VWA3B: variants seen among roughly 807,000 people sequenced by gnomAD.
VWA3B encodes von Willebrand factor A domain-containing protein 3B.
A neutral mutation model predicts 158.3 loss-of-function variants in VWA3B; 138 were observed. The observed-to-expected ratio is 0.87, with a 90% CI of 0.76 to 1.00. The LOEUF is 1.00. Among genes scored for constraint, VWA3B ranks in the 50% least tolerant of loss-of-function variants. VWA3B has a pLI of 0.00. For missense variants in VWA3B, 1,555 were observed against 1,565.1 expected (o/e 0.99, Z 0.11); for synonymous variants, 596 against 587.3 (o/e 1.01, Z -0.21).
intron 20 of VWA3B, among the ~76,000 whole-genome samples, chr2:98,255,510 T>C (rs1687077951): frequency 6.6e-6 from 1 of 152,030 alleles, no homozygotes; most frequent in Non-Finnish European, 1.5e-5. Context: ...ATAGCTACCC[T>C]GTAGGAACCA....
At position 98,270,657 on chromosome 2, in the gene VWA3B, G is replaced by T. The variant is rs62157894; in HGVS notation, c.2844-25G>T. The T allele has an allele frequency of 0.056, 89,412 of 1,595,588 alleles. 3,077 individuals are homozygous for T. Among genetic ancestry groups the T allele is most frequent in the Non-Finnish European group, 0.067 (78,265 of 1,168,798 alleles). ...TTGCTTTTTGTTTCTTCCTCTGTTT[G>T]TTTGTTTGTTTCTTTGTTTTTTAGG... On this transcript the variant is annotated intron_variant, in intron 21 of 27. Coordinates refer to ENST00000477737, the MANE Select transcript of VWA3B (RefSeq NM_144992.5).
At chr2:98,174,291 C>T (rs1358479878) in intron 8 of VWA3B, among the ~76,000 whole-genome samples, 1 of 152,158 alleles carries the variant, frequency 6.6e-6, no homozygotes, top group Admixed American at 6.6e-5. Context: ...TCCTCACTAA[C>T]CTTAAAAACG....
rs1385034586 is a variant in VWA3B at position 98,187,657 on chromosome 2, T to C, written c.1312-318T>C. ...CTCTCTCTCCCTCTCCCTCTCCGTC[T>C]CTGTGTCTGTGTGTGTGTGTGTGTG... On this transcript the variant is annotated intron_variant, in intron 9 of 27. Coordinates refer to ENST00000477737, the MANE Select transcript of VWA3B (RefSeq NM_144992.5). Among the ~76,000 whole-genome samples, 4 of 111,526 alleles carry C rather than the reference T, an allele frequency of 3.6e-5. No individual in the cohort carries two copies. The Admixed American group carries it at 4.2e-4, about 12-fold the overall frequency. 73.2% of individuals were successfully genotyped at this position (111,526 alleles called of 152,430 possible).
chr2:98,141,150 G>A (rs1371352955), intron 7 of VWA3B, among the ~76,000 whole-genome samples: 1 of 152,198 alleles, frequency 6.6e-6, no homozygotes, highest in African/African-American at 2.4e-5. Context: ...GGTTTCATGT[G>A]GTGCTGCTGA....
the VWA3B span, among the ~76,000 whole-genome samples, chr2:98,330,480 A>G: frequency 6.6e-6 from 1 of 152,188 alleles, no homozygotes; most frequent in Admixed American, 6.5e-5. Flanking sequence ...AAATCACATC[A>G]GGTTGCACCA....
the VWA3B span, among the ~76,000 whole-genome samples, chr2:98,325,105 G>A: frequency 1.3e-5 from 2 of 152,106 alleles, no homozygotes; most frequent in Non-Finnish European, 2.9e-5. Flanking sequence ...GAGATAACGG[G>A]GAAAAATATT....
chr2:98,310,456 T>C (rs1350307588), intron 26 of VWA3B, among the ~76,000 whole-genome samples: 1 of 152,140 alleles, frequency 6.6e-6, no homozygotes, highest in Non-Finnish European at 1.5e-5. Context: ...TCTCTACTTC[T>C]CACATCCGCT....
chr2:98,303,293 G>T (rs1336696148), intron 25 of VWA3B, among the ~76,000 whole-genome samples: 1 of 152,104 alleles, frequency 6.6e-6, no homozygotes. Flanking sequence ...GCAGGGTGGA[G>T]GGGGAAGGAT....
chr2:98,211,978 G>A lies in VWA3B; in HGVS notation c.1786G>A (p.Asp596Asn). 2 of 1,614,154 alleles carry A rather than the reference G, an allele frequency of 1.2e-6. No individual in the cohort carries two copies. Among genetic ancestry groups the A allele is most frequent in the Non-Finnish European group, 8.5e-7 (1 of 1,180,020 alleles). ...TLSALKTAFA[D>N]KETQAIYLLT... ...GAGTGCCCTGAAAACTGCTTTTGCT[G>A]ATAAAGAAACACAGGCAATCTACCT... is the stretch of plus-strand genomic sequence containing the variant. The change falls in exon 13 of 28, where the codon GAT (aspartate) becomes AAT (asparagine). Residue 596 changes from aspartate to asparagine, a missense_variant. Coordinates refer to ENST00000477737, the MANE Select transcript of VWA3B (RefSeq NM_144992.5).
chr2:98,105,198 T>C (rs1015705537), intron 2 of VWA3B, among the ~76,000 whole-genome samples: 11 of 152,210 alleles, frequency 7.2e-5, no homozygotes, highest in Admixed American at 1.3e-4. Flanking sequence ...TCAGTTTTCG[T>C]TTATCTGAAA....
chr2:98,310,489 A>AG (rs1690820377), intron 26 of VWA3B, among the ~76,000 whole-genome samples: 1 of 152,134 alleles, frequency 6.6e-6, no homozygotes, highest in Non-Finnish European at 1.5e-5. Context: ...TCTTTCTGAG[A>AG]GATTATAGCT....
chr2:98,101,453 C>A (rs970030790), intron 2 of VWA3B, among the ~76,000 whole-genome samples: 1 of 152,208 alleles, frequency 6.6e-6, no homozygotes, highest in African/African-American at 2.4e-5. Flanking sequence ...CTCCTTCAAT[C>A]AGGGAAATTT....
chr2:98,321,200 A>G, the VWA3B span, among the ~76,000 whole-genome samples: 3 of 152,198 alleles, frequency 2.0e-5, no homozygotes, highest in South Asian at 2.1e-4. Flanking sequence ...CTCTGCCTAG[A>G]TTTCGGAGGA....
At chr2:98,127,590 GGGC>G (rs1398597080) in intron 5 of VWA3B, among the ~76,000 whole-genome samples, 4 of 79,362 alleles carry the variant, frequency 5.0e-5, no homozygotes, top group Non-Finnish European at 1.1e-4. Flanking sequence ...GTGTGTGTGT[GGGC>G]GGGGGGGGGG....
At chr2:98,328,257 G>A in the VWA3B span, among the ~76,000 whole-genome samples, 1 of 152,092 alleles carries the variant, frequency 6.6e-6, no homozygotes, top group Non-Finnish European at 1.5e-5. Flanking sequence ...ACTTAACAGT[G>A]AATCAATGAA....
At chr2:98,142,679 A>G (rs1469727222) in intron 7 of VWA3B, among the ~76,000 whole-genome samples, 1 of 152,242 alleles carries the variant, frequency 6.6e-6, no homozygotes, top group Non-Finnish European at 1.5e-5. Flanking sequence ...GCATGATGTT[A>G]AACCCTAACA....
chr2:98,131,633 A>T (rs1305822170), intron 6 of VWA3B, among the ~76,000 whole-genome samples: 1 of 152,152 alleles, frequency 6.6e-6, no homozygotes, highest in Non-Finnish European at 1.5e-5. Flanking sequence ...TTTTGATAAC[A>T]GCCCTCCTAA....
chr2:98,238,210 G>A (rs1167532161), intron 19 of VWA3B, among the ~76,000 whole-genome samples: 5 of 152,068 alleles, frequency 3.3e-5, no homozygotes, highest in South Asian at 2.1e-4. Context: ...CTCTCCCTCC[G>A]GAGGCTGTGT....
chr2:98,217,969 G>A lies in VWA3B; in HGVS notation c.1960G>A (p.Gly654Arg). The change falls in exon 14 of 28, where the codon GGA (glycine) becomes AGA (arginine). Residue 654 changes from glycine (G) to arginine (R), a missense_variant. Transcript: ENST00000477737. The stretch of plus-strand genomic sequence containing the variant: ...GAAAGAGGTTGCTGCTTTGACTGGA[G>A]GAGAGTTCCATTTTTATAATTTTGG... ...FLKEVAALTG[G>R]EFHFYNFGCK... 1 of 1,613,436 alleles carries A rather than the reference G, an allele frequency of 6.2e-7. No individual in the cohort carries two copies. The highest frequency in any genetic ancestry group is 8.5e-7 in the Non-Finnish European group (1 of 1,179,742).
Sources: allele counts gnomAD v4.1 joint callset (sites outside exome capture counted in the v4.1 genomes callset), GRCh38; gene constraint gnomAD v4.1.1; transcripts MANE v1.5; gene names NCBI Gene and HGNC (gene_info 2026-07-23, HGNC 2026-07-21).